The following ATRNL1 variants were observed in gnomAD, a reference collection of about 807,000 sequenced individuals.
The protein encoded by ATRNL1 is attractin-like protein 1.
A neutral mutation model predicts 182.7 loss-of-function variants in ATRNL1; 95 were observed. The ratio of observed to expected loss-of-function variants is 0.52; its 90% CI spans 0.44 to 0.62. ATRNL1 has a LOEUF of 0.62. Among genes scored for constraint, ATRNL1 ranks in the 20% least tolerant of loss-of-function variants. The pLI, the probability that ATRNL1 is intolerant of heterozygous loss-of-function variation, is 0.00. For synonymous variants in ATRNL1, 576 were observed against 568.3 expected (o/e 1.01, Z -0.19); for missense variants, 1,471 against 1,679.5 (o/e 0.88, Z 2.17).
chr10:115,908,143 C>T (rs1338166255), intron 28 of ATRNL1, among the ~76,000 whole-genome samples: 4 of 152,146 alleles, frequency 2.6e-5, no homozygotes, highest in Admixed American at 6.5e-5. Context: ...CAGAACCCTT[C>T]GGCTGCTTGC....
chr10:115,607,105 A>G (rs1555017821), intron 26 of ATRNL1, among the ~76,000 whole-genome samples: 1 of 151,970 alleles, frequency 6.6e-6, no homozygotes, highest in African/African-American at 2.4e-5. Context: ...TTATTAATCA[A>G]TATATTTTTC....
At chr10:115,593,210 C>T (rs1157848730) in intron 26 of ATRNL1, among the ~76,000 whole-genome samples, 1 of 152,154 alleles carries the variant, frequency 6.6e-6, no homozygotes, top group African/African-American at 2.4e-5. Context: ...AGCCCACTCC[C>T]TTGATATGAA....
chr10:115,825,248 A>C (rs1390329872), intron 27 of ATRNL1, among the ~76,000 whole-genome samples: 2 of 152,110 alleles, frequency 1.3e-5, no homozygotes, highest in African/African-American at 4.8e-5. Flanking sequence ...ACAAGGATGC[A>C]GAGAGGGGAA....
chr10:115,725,054 G>C (rs782770494), intron 26 of ATRNL1, among the ~76,000 whole-genome samples: 13 of 152,084 alleles, frequency 8.5e-5, no homozygotes, highest in Non-Finnish European at 1.8e-4. Context: ...TAACTTTACT[G>C]ACACACTATA....
intron 8 of ATRNL1, among the ~76,000 whole-genome samples, chr10:115,189,706 A>T (rs1848095404): frequency 6.6e-6 from 1 of 152,148 alleles, no homozygotes; most frequent in African/African-American, 2.4e-5. Flanking sequence ...ATAAGTAAAA[A>T]TTTATAGTGG....
chr10:115,528,130 T>C (rs1045997830), intron 25 of ATRNL1, among the ~76,000 whole-genome samples: 2 of 151,602 alleles, frequency 1.3e-5, no homozygotes, highest in African/African-American at 4.9e-5. Context: ...CATTAATATG[T>C]AGTATGCTGG....
chr10:115,860,488 G>A (rs1051459656), intron 28 of ATRNL1, among the ~76,000 whole-genome samples: 2 of 152,134 alleles, frequency 1.3e-5, no homozygotes, highest in African/African-American at 4.8e-5. Flanking sequence ...AAAATGGAAA[G>A]GAAGCTGTTG....
intron 26 of ATRNL1, among the ~76,000 whole-genome samples, chr10:115,603,557 A>G (rs1184002811): frequency 4.6e-5 from 7 of 152,224 alleles, no homozygotes; most frequent in Admixed American, 6.5e-5. Flanking sequence ...TAAAATTTTA[A>G]GAAACTTATA....
chr10:115,657,009 A>C (rs1022136151), intron 26 of ATRNL1, among the ~76,000 whole-genome samples: 3 of 152,176 alleles, frequency 2.0e-5, no homozygotes, highest in Non-Finnish European at 2.9e-5. Flanking sequence ...GAAATATACC[A>C]GAGGAAATTA....
chr10:115,474,882 C>T (rs1848464368), intron 24 of ATRNL1, among the ~76,000 whole-genome samples: 1 of 151,380 alleles, frequency 6.6e-6, no homozygotes, highest in African/African-American at 2.4e-5. Flanking sequence ...GCATTGACAT[C>T]ACCCAGGAGC....
intron 11 of ATRNL1, 85 bp downstream of exon 11, chr10:115,265,362 A>G: frequency 1.2e-6 from 1 of 826,268 alleles, no homozygotes; most frequent in South Asian, 1.9e-5. Flanking sequence ...TTTGAAAATT[A>G]TCATTGGTAC....
intron 21 of ATRNL1, among the ~76,000 whole-genome samples, chr10:115,451,383 A>G (rs1258565288): frequency 2.0e-5 from 3 of 152,184 alleles, no homozygotes; most frequent in Admixed American, 2.0e-4. Context: ...AAGATCTAAT[A>G]TCCAGCATAT....
intron 26 of ATRNL1, among the ~76,000 whole-genome samples, chr10:115,584,895 A>G (rs1249818754): frequency 4.0e-5 from 6 of 149,730 alleles, no homozygotes; most frequent in African/African-American, 7.4e-5. Context: ...TAGTGCTATA[A>G]ATTTCCCTCT....
chr10:115,171,019 A>G lies in ATRNL1; in HGVS notation c.1093-18A>G, dbSNP rs1241119609. ...ATAACATTATTTTATCTATTAATAT[A>G]TGTATTTTAATTTACAGGAAAACAT... On this transcript the variant is annotated intron_variant, in intron 7 of 28. Coordinates refer to ENST00000355044, the MANE Select transcript of ATRNL1 (RefSeq NM_207303.4). 2 of 1,396,264 alleles carry G rather than the reference A, an allele frequency of 1.4e-6. No individual in the cohort carries two copies. The highest frequency in any genetic ancestry group is 1.5e-5 in the South Asian group (1 of 65,050). The allele number at this position is 1,396,264 out of a possible 1,614,324, so 86.5% of individuals were successfully genotyped here.
At chr10:115,397,589 G>A (rs1484390227) in intron 20 of ATRNL1, among the ~76,000 whole-genome samples, 2 of 151,896 alleles carry the variant, frequency 1.3e-5, no homozygotes, top group Admixed American at 1.3e-4. Context: ...GCACTGAAAA[G>A]GGAAGTATTA....
chr10:115,642,537 G>A (rs187072434), intron 26 of ATRNL1, among the ~76,000 whole-genome samples: 1 of 151,566 alleles, frequency 6.6e-6, no homozygotes, highest in African/African-American at 2.4e-5. Flanking sequence ...TCTGCCTCCC[G>A]GGTTCAAGCA....
chr10:115,861,636 G>A (rs1555103484), intron 28 of ATRNL1, among the ~76,000 whole-genome samples: 1 of 152,092 alleles, frequency 6.6e-6, no homozygotes, highest in African/African-American at 2.4e-5. Context: ...CCATCCTTGT[G>A]ACCTATTTGT....
chr10:115,389,694 C>A (rs569971509), intron 19 of ATRNL1, among the ~76,000 whole-genome samples: 2 of 150,084 alleles, frequency 1.3e-5, no homozygotes, highest in Non-Finnish European at 3.0e-5. Flanking sequence ...ATACTTATTT[C>A]ATTTCCTTTG....
intron 26 of ATRNL1, among the ~76,000 whole-genome samples, chr10:115,628,086 A>C (rs532222762): frequency 2.0e-5 from 3 of 151,262 alleles, no homozygotes. Context: ...GGCGGAGGTT[A>C]CAGTGAGCCA....
Sources: gnomAD v4.1 joint callset for allele counts (sites outside exome capture counted in the v4.1 genomes callset) on GRCh38, gnomAD v4.1.1 for gene constraint, MANE v1.5 for transcripts, NCBI Gene and HGNC (gene_info 2026-07-23, HGNC 2026-07-21) for gene names.